The following SAXO2 variants were observed in gnomAD, a reference collection of about 807,000 sequenced individuals.
The protein encoded by SAXO2 is stabilizer of axonemal microtubules 2.
SAXO2 carries 17 observed loss-of-function variants against 18.7 expected under a neutral mutation model. That is an observed-to-expected ratio of 0.91 (90% CI 0.62 to 1.36). SAXO2 has a LOEUF of 1.36. Among genes scored for constraint, SAXO2 ranks in the 40% most tolerant of loss-of-function variants. The pLI, the probability that SAXO2 is intolerant of heterozygous loss-of-function variation, is 0.00. For missense variants in SAXO2, 486 were observed against 562.6 expected (o/e 0.86, Z 1.38); for synonymous variants, 163 against 181.2 (o/e 0.90, Z 0.81).
intron 3 of SAXO2, among the ~76,000 whole-genome samples, chr15:82,278,110 C>T (rs1170361095): frequency 2.6e-5 from 4 of 152,038 alleles, no homozygotes; most frequent in African/African-American, 9.7e-5. Context: ...CTCTGACAAC[C>T]CCAAGGAATA....
chr15:82,269,387 T>C (rs2075249350), intron 2 of SAXO2, among the ~76,000 whole-genome samples: 1 of 151,342 alleles, frequency 6.6e-6, no homozygotes, highest in South Asian at 2.1e-4. Flanking sequence ...AGAGAGAGAG[T>C]AGCTTGTAGC....
chr15:82,267,399 G>A (rs969182336), intron 2 of SAXO2, among the ~76,000 whole-genome samples: 3 of 152,218 alleles, frequency 2.0e-5, no homozygotes, highest in Non-Finnish European at 2.9e-5. Flanking sequence ...ATTTATCTCA[G>A]TGAGCAGAGT....
chr15:82,275,823 C>T (rs1362712484), intron 3 of SAXO2, among the ~76,000 whole-genome samples: 3 of 152,134 alleles, frequency 2.0e-5, no homozygotes, highest in Non-Finnish European at 2.9e-5. Context: ...CAACATCATA[C>T]TGAATGGACA....
At chr15:82,278,696 G>A (rs555182308) in intron 3 of SAXO2, among the ~76,000 whole-genome samples, 6 of 152,192 alleles carry the variant, frequency 3.9e-5, no homozygotes, top group South Asian at 2.1e-4. Flanking sequence ...ACTTGCAGTC[G>A]TGCAATGTGT....
At chr15:82,276,906 G>A (rs189906491) in intron 3 of SAXO2, among the ~76,000 whole-genome samples, 26 of 152,236 alleles carry the variant, frequency 1.7e-4, no homozygotes, top group East Asian at 9.6e-4. Flanking sequence ...CACACAGAAA[G>A]GGTACATATG....
chr15:82,264,808 C>T (rs1010835558), intron 1 of SAXO2: 31 of 693,786 alleles, frequency 4.5e-5, no homozygotes, highest in South Asian at 3.2e-4. Context: ...ATCAAGATGC[C>T]GCCTAACAAC....
intron 1 of SAXO2, chr15:82,264,849 A>G (rs1461710127): frequency 1.4e-5 from 9 of 656,302 alleles, no homozygotes; most frequent in Admixed American, 2.5e-5. Flanking sequence ...TGCCTCTATT[A>G]TGTTCCATGC....
chr15:82,264,054 T>C (rs2075176436), intron 1 of SAXO2, among the ~76,000 whole-genome samples: 2 of 151,366 alleles, frequency 1.3e-5, no homozygotes, highest in African/African-American at 2.4e-5. Flanking sequence ...AAGACTTGTT[T>C]TACATATGCA....
intron 2 of SAXO2, among the ~76,000 whole-genome samples, chr15:82,270,694 GTAGTAA>G (rs1322007240): frequency 2.6e-5 from 4 of 152,178 alleles, no homozygotes; most frequent in African/African-American, 9.7e-5. Context: ...AAGTCTTGGG[GTAGTAA>G]TAGTGGTGGC....
At chr15:82,264,864 A>G (rs1019021125) in intron 1 of SAXO2, 101 of 632,780 alleles carry the variant, frequency 1.6e-4, no homozygotes, top group Middle Eastern at 1.0e-3. Context: ...CCATGCAAGC[A>G]AAATAAATGT....
chr15:82,264,106 C>G (rs958305898), intron 1 of SAXO2, among the ~76,000 whole-genome samples: 12 of 134,454 alleles, frequency 8.9e-5, no homozygotes, highest in Admixed American at 5.7e-4. Flanking sequence ...GAGTCTGGCT[C>G]TCTTGCCAGG....
chr15:82,268,034 G>A (rs1596027572), intron 2 of SAXO2, among the ~76,000 whole-genome samples: 1 of 152,318 alleles, frequency 6.6e-6, no homozygotes, highest in Non-Finnish European at 1.5e-5. Flanking sequence ...TAGTCTGTGG[G>A]AAAGTCCAGA....
intron 3 of SAXO2, among the ~76,000 whole-genome samples, chr15:82,281,279 G>T (rs2075359714): frequency 6.6e-6 from 1 of 152,112 alleles, no homozygotes; most frequent in African/African-American, 2.4e-5. Flanking sequence ...ACTTGTAATG[G>T]TGTTACAAGT....
intron 1 of SAXO2, among the ~76,000 whole-genome samples, chr15:82,265,197 G>T (rs2075203774): frequency 6.6e-6 from 1 of 152,178 alleles, no homozygotes; most frequent in South Asian, 2.1e-4. Context: ...CTGGAGTGCA[G>T]TGGCAGGATC....
chr15:82,274,795 A>G (rs1002008608), intron 3 of SAXO2, among the ~76,000 whole-genome samples: 9 of 152,016 alleles, frequency 5.9e-5, no homozygotes, highest in Non-Finnish European at 1.3e-4. Flanking sequence ...TTAAGAGGAA[A>G]GTTTATAATG....
chr15:82,279,268 G>A (rs2075341864), intron 3 of SAXO2, among the ~76,000 whole-genome samples: 1 of 151,910 alleles, frequency 6.6e-6, no homozygotes. Flanking sequence ...ATTTTATCAG[G>A]TTGCCATTCA....
chr15:82,262,910 C>T lies in SAXO2; in HGVS notation c.31C>T (p.Leu11=). The T allele has an allele frequency of 6.2e-7, 1 of 1,604,506 alleles. No homozygotes were observed. The highest frequency in any genetic ancestry group is 8.5e-7 in the Non-Finnish European group (1 of 1,175,486). The change falls in exon 1 of 4, where the codon CTG becomes TTG. Residue 11 remains leucine (L), a synonymous_variant. Coordinates refer to ENST00000682753, the MANE Select transcript of SAXO2 (RefSeq NM_001348699.2). ...AGCCAAGAGTATGAGGAGCTGGTGT[C>T]TGTGTCAGATTTGTAGCTGCGGGTA... MGAKSMRSWC[L]CQICSCGRHH... is the part of the protein sequence containing the mutation.
At chr15:82,263,215 G>A (rs2075156966) in intron 1 of SAXO2, 10 of 1,456,512 alleles carry the variant, frequency 6.9e-6, no homozygotes, top group Non-Finnish European at 9.0e-6. Context: ...AAGCCGCGAC[G>A]GGATATAACG....
At chr15:82,270,049 G>A (rs140308147) in intron 2 of SAXO2, among the ~76,000 whole-genome samples, 3 of 152,282 alleles carry the variant, frequency 2.0e-5, no homozygotes, top group East Asian at 3.9e-4. Flanking sequence ...AGTTGCCATC[G>A]AATCCAATGG....
Sources: gnomAD v4.1 joint callset for allele counts (sites outside exome capture counted in the v4.1 genomes callset) on GRCh38, gnomAD v4.1.1 for gene constraint, MANE v1.5 for transcripts, NCBI Gene and HGNC (gene_info 2026-07-23, HGNC 2026-07-21) for gene names.